KCNC2: variants seen among roughly 807,000 people sequenced by gnomAD.
The protein encoded by KCNC2 is potassium voltage-gated channel subfamily C member 2, also known as voltage-gated potassium channel KCNC2.
A neutral mutation model predicts 44.5 loss-of-function variants in KCNC2; 21 were observed. The ratio of observed to expected loss-of-function variants is 0.47; its 90% CI spans 0.33 to 0.68. The LOEUF is 0.68. KCNC2 is among the 30% of genes least tolerant of loss of function. The pLI is 0.01. For missense variants in KCNC2, 589 were observed against 826.2 expected, an observed-to-expected ratio of 0.71 and a Z score of 3.52; for synonymous variants, 391 against 339.1, an observed-to-expected ratio of 1.15 and a Z score of -1.68.
intron 2 of KCNC2, among the ~76,000 whole-genome samples, chr12:75,159,536 A>G (rs1401325013): frequency 6.6e-6 from 1 of 151,860 alleles, no homozygotes; most frequent in Non-Finnish European, 1.5e-5. Flanking sequence ...GGGGAAATGC[A>G]GTAAGAAGGC....
chr12:75,051,343 AC>A (rs1016098947), intron 2 of KCNC2, 26 bp from the exon 3 acceptor site: 2 of 1,308,600 alleles, frequency 1.5e-6, no homozygotes, highest in African/African-American at 3.0e-5. Context: ...AAATAAAAAA[AC>A]CCATAGTGAT....
At chr12:75,087,328 T>C (rs1885111330) in intron 2 of KCNC2, among the ~76,000 whole-genome samples, 1 of 152,090 alleles carries the variant, frequency 6.6e-6, no homozygotes, top group African/African-American at 2.4e-5. Flanking sequence ...CATTAGTACA[T>C]GCTACCTCTT....
intron 2 of KCNC2, among the ~76,000 whole-genome samples, chr12:75,162,904 C>G (rs1443615094): frequency 6.6e-6 from 1 of 151,714 alleles, no homozygotes; most frequent in Non-Finnish European, 1.5e-5. Flanking sequence ...AGACCACGAC[C>G]TGCTTCCTCT....
chr12:75,193,503 C>T (rs189948438), intron 2 of KCNC2, among the ~76,000 whole-genome samples: 14 of 151,976 alleles, frequency 9.2e-5, no homozygotes, highest in Non-Finnish European at 4.4e-5. Flanking sequence ...AGAATTTGCC[C>T]TTAGAATATA....
chr12:75,082,992 T>C (rs997265660), intron 2 of KCNC2, among the ~76,000 whole-genome samples: 10 of 151,464 alleles, frequency 6.6e-5, no homozygotes, highest in African/African-American at 1.7e-4. Flanking sequence ...TACAGAGTAA[T>C]AGAAATATAT....
intron 2 of KCNC2, among the ~76,000 whole-genome samples, chr12:75,164,806 A>G (rs1272276426): frequency 6.6e-6 from 1 of 151,732 alleles, no homozygotes; most frequent in Non-Finnish European, 1.5e-5. Flanking sequence ...TCGTTGAACT[A>G]AAACTTTCTG....
At chr12:75,069,865 T>C (rs986832623) in intron 2 of KCNC2, among the ~76,000 whole-genome samples, 12 of 152,144 alleles carry the variant, frequency 7.9e-5, no homozygotes, top group African/African-American at 2.7e-4. Flanking sequence ...GGAAGTAAGT[T>C]TGAGTCTCAG....
chr12:75,182,534 A>C (rs1189769540), intron 2 of KCNC2, among the ~76,000 whole-genome samples: 41 of 137,754 alleles, frequency 3.0e-4, no homozygotes, highest in African/African-American at 8.5e-4. Context: ...AAAAAAAAAA[A>C]AAACAAAAAA....
At chr12:75,076,247 A>G (rs75753597) in intron 2 of KCNC2, among the ~76,000 whole-genome samples, 5,148 of 152,152 alleles carry the variant, frequency 0.034, 280 homozygotes, top group African/African-American at 0.11. Context: ...GTGCCAGAAC[A>G]TCTTTATTTT....
chr12:75,079,266 A>C (rs1884269700), intron 2 of KCNC2, among the ~76,000 whole-genome samples: 1 of 152,110 alleles, frequency 6.6e-6, no homozygotes, highest in Non-Finnish European at 1.5e-5. Context: ...ATCTTTCATA[A>C]GAACACATCC....
intron 2 of KCNC2, among the ~76,000 whole-genome samples, chr12:75,102,949 A>C (rs902235934): frequency 2.0e-5 from 3 of 152,100 alleles, no homozygotes; most frequent in Non-Finnish European, 2.9e-5. Context: ...AATATATAAA[A>C]CTGTAACTAA....
chr12:75,040,892 A>T lies in KCNC2; in HGVS notation c.*2213T>A. ...GAAACTTCAGAGATGTTGATCATGA[A>T]TTTGGCTTCTTTTGATGAGAAATGG... On this transcript the variant is annotated 3_prime_UTR_variant, in exon 5 of 5. Coordinates refer to ENST00000549446, the MANE Select transcript of KCNC2 (RefSeq NM_139137.4). 1.9e-6 allele frequency: 1 copy of T among 534,492 alleles called. No homozygotes were observed. The allele number at this position is 534,492 out of a possible 1,614,324, so 33.1% of individuals were successfully genotyped here.
Position 75,042,127 on chromosome 12 carries a change from T to C in KCNC2, c.*978A>G, listed in dbSNP as rs1363713443. The C allele has an allele frequency of 1.6e-6, 2 of 1,253,046 alleles. No individual in the cohort carries two copies. 77.6% of individuals were successfully genotyped at this position (1,253,046 alleles called of 1,614,324 possible). Reference sequence around the variant, plus strand: ...AAAAAATTAATAAATAAAAATAAAATAAGGGGGTAAAAAAAAGACACAAGA... The same window carrying C: ...AAAAAATTAATAAATAAAAATAAAACAAGGGGGTAAAAAAAAGACACAAGA... On this transcript the variant is annotated 3_prime_UTR_variant, in exon 5 of 5. Transcript: ENST00000549446.
At chr12:75,064,847 CAATT>C (rs1274442056) in intron 2 of KCNC2, among the ~76,000 whole-genome samples, 3 of 151,978 alleles carry the variant, frequency 2.0e-5, no homozygotes, top group South Asian at 2.1e-4. Context: ...GAATTTAACT[CAATT>C]AAAGTATAAC....
chr12:75,168,696 T>A (rs1200211335), intron 2 of KCNC2, among the ~76,000 whole-genome samples: 1 of 151,590 alleles, frequency 6.6e-6, no homozygotes, highest in Non-Finnish European at 1.5e-5. Flanking sequence ...AATATGTTTT[T>A]AAATTTATTT....
At chr12:75,053,056 TCAATC>T (rs1881353509) in intron 2 of KCNC2, among the ~76,000 whole-genome samples, 1 of 152,182 alleles carries the variant, frequency 6.6e-6, no homozygotes, top group Non-Finnish European at 1.5e-5. Flanking sequence ...TATTTTTTAA[TCAATC>T]ATTTGTCGTA....
At chr12:75,129,324 G>T (rs1388047044) in intron 2 of KCNC2, among the ~76,000 whole-genome samples, 1 of 152,156 alleles carries the variant, frequency 6.6e-6, no homozygotes, top group Non-Finnish European at 1.5e-5. Context: ...TTGCCAGTTA[G>T]CCTGGTAATA....
intron 2 of KCNC2, among the ~76,000 whole-genome samples, chr12:75,188,466 C>A (rs890925971): frequency 3.9e-5 from 6 of 152,182 alleles, no homozygotes; most frequent in Non-Finnish European, 7.4e-5. Flanking sequence ...ATGTGAACCA[C>A]AATTTAGTAT....
At chr12:75,102,637 A>T (rs1280084657) in intron 2 of KCNC2, among the ~76,000 whole-genome samples, 2 of 152,026 alleles carry the variant, frequency 1.3e-5, no homozygotes, top group African/African-American at 4.8e-5. Flanking sequence ...AAACACACAC[A>T]TATTTCTAAT....
Sources: allele counts gnomAD v4.1 joint callset (sites outside exome capture counted in the v4.1 genomes callset), GRCh38; gene constraint gnomAD v4.1.1; transcripts MANE v1.5; gene names NCBI Gene and HGNC (gene_info 2026-07-23, HGNC 2026-07-21).